SFRP1: variants seen among roughly 807,000 people sequenced by gnomAD.
The protein encoded by SFRP1 is secreted frizzled-related protein 1.
SFRP1 carries 9 observed loss-of-function variants against 25.9 expected under a neutral mutation model. The observed-to-expected ratio is 0.35, with a 90% CI of 0.21 to 0.61. SFRP1 has a LOEUF of 0.61. Among genes scored for constraint, SFRP1 ranks in the 20% least tolerant of loss-of-function variants. SFRP1 has a pLI of 0.78. For missense variants in SFRP1, 346 were observed against 418.2 expected, an observed-to-expected ratio of 0.83 and a Z score of 1.51; for synonymous variants, 178 against 174.0, an observed-to-expected ratio of 1.02 and a Z score of -0.18.
chr8:41,285,673 C>G (rs1044419261), intron 2 of SFRP1, among the ~76,000 whole-genome samples: 1 of 152,190 alleles, frequency 6.6e-6, no homozygotes, highest in Non-Finnish European at 1.5e-5. Context: ...TGGCCCAGCC[C>G]CCCAACCCTT....
rs887658928 is a variant in SFRP1, at chr8:41,264,000, T to C, written c.*1167A>G. 3.9e-5 allele frequency: 6 copies of C among 152,180 alleles called. No homozygotes were observed. Among genetic ancestry groups the C allele is most frequent in the African/African-American group, 9.7e-5 (4 of 41,436 alleles). 9.4% of individuals were successfully genotyped at this position (152,180 alleles called of 1,614,324 possible). On this transcript the variant is annotated 3_prime_UTR_variant, in exon 3 of 3. Transcript: ENST00000220772. ...TGAGTTTTGCTAGGGGGTGTTAGGT[T>C]CTAGGGCAACCACGGACTCTTCAGG... is the stretch of plus-strand genomic sequence containing the variant.
At chr8:41,290,584 GT>G (rs1247954457) in intron 2 of SFRP1, among the ~76,000 whole-genome samples, 1 of 152,200 alleles carries the variant, frequency 6.6e-6, no homozygotes, top group African/African-American at 2.4e-5. Flanking sequence ...GAACACAGGT[GT>G]CCCGGGGGCA....
intron 2 of SFRP1, among the ~76,000 whole-genome samples, chr8:41,290,886 C>CTCTTTT (rs1803769043): frequency 1.9e-5 from 1 of 53,874 alleles, no homozygotes; most frequent in African/African-American, 6.1e-5. Flanking sequence ...TCTTCCTCGT[C>CTCTTTT]TTTTTTTTTT....
intron 1 of SFRP1, among the ~76,000 whole-genome samples, chr8:41,305,892 G>A (rs575230510): frequency 6.6e-6 from 1 of 152,296 alleles, no homozygotes; most frequent in East Asian, 1.9e-4. Flanking sequence ...GACCAAAAGG[G>A]AGCCCTAAGG....
rs1804034546 is a variant in SFRP1, at chr8:41,308,993, G to A, written c.167C>T (p.Pro56Leu). ...GTCCGCGGGGATGTCCACGCACTGA[G>A]GTGGCTTGGTGTAGAAGCGCCCGCT... ...YQSGRFYTKP[P>L]QCVDIPADLR... The change falls in exon 1 of 3, where the codon CCT (proline) becomes CTT (leucine). Residue 56 changes from proline (P) to leucine (L), a missense_variant. Transcript: ENST00000220772. 4 of 1,613,008 alleles carry A rather than the reference G, an allele frequency of 2.5e-6. No individual in the cohort carries two copies. Among genetic ancestry groups the A allele is most frequent in the Non-Finnish European group, 3.4e-6 (4 of 1,179,942 alleles).
chr8:41,293,328 T>C (rs1017116891), intron 2 of SFRP1, among the ~76,000 whole-genome samples: 1 of 152,194 alleles, frequency 6.6e-6, no homozygotes, highest in Non-Finnish European at 1.5e-5. Flanking sequence ...CCCCCTCCCA[T>C]GCCTTGATGC....
intron 2 of SFRP1, among the ~76,000 whole-genome samples, chr8:41,289,911 C>T (rs916506520): frequency 6.6e-6 from 1 of 152,192 alleles, no homozygotes; most frequent in South Asian, 2.1e-4. Context: ...CTCTCAAGTG[C>T]TGGGGGAGGA....
At chr8:41,276,212 G>C (rs979605457) in intron 2 of SFRP1, among the ~76,000 whole-genome samples, 1 of 152,208 alleles carries the variant, frequency 6.6e-6, no homozygotes, top group Admixed American at 6.5e-5. Context: ...CATGAAGACA[G>C]AGCACTGGTT....
At chr8:41,285,709 G>A (rs907455389) in intron 2 of SFRP1, among the ~76,000 whole-genome samples, 2 of 152,282 alleles carry the variant, frequency 1.3e-5, no homozygotes, top group East Asian at 1.9e-4. Context: ...CTGAGCCCCC[G>A]TGAGTGCCAG....
intron 2 of SFRP1, among the ~76,000 whole-genome samples, chr8:41,298,971 C>CTCTCCACT (rs1803876814): frequency 6.6e-6 from 1 of 152,162 alleles, no homozygotes; most frequent in Admixed American, 6.5e-5. Context: ...GCAAATCCTT[C>CTCTCCACT]TCTCCACTCC....
chr8:41,268,592 C>CT, intron 2 of SFRP1, among the ~76,000 whole-genome samples: 1 of 152,266 alleles, frequency 6.6e-6, no homozygotes, highest in Admixed American at 6.5e-5. Flanking sequence ...TGGCCCCTTT[C>CT]TTTTTTTGAG....
At chr8:41,302,476 C>T (rs2117518464) in intron 2 of SFRP1, among the ~76,000 whole-genome samples, 1 of 152,326 alleles carries the variant, frequency 6.6e-6, no homozygotes, top group Admixed American at 6.5e-5. Context: ...CTCACATCAC[C>T]TATCTTTACG....
At chr8:41,291,132 T>C (rs1271466663) in intron 2 of SFRP1, among the ~76,000 whole-genome samples, 1 of 151,642 alleles carries the variant, frequency 6.6e-6, no homozygotes, top group Non-Finnish European at 1.5e-5. Context: ...ACGGTCTCGA[T>C]CTCCGGACCT....
At chr8:41,304,740 C>A (rs1213464425) in intron 1 of SFRP1, among the ~76,000 whole-genome samples, 4 of 152,108 alleles carry the variant, frequency 2.6e-5, no homozygotes, top group Non-Finnish European at 4.4e-5. Flanking sequence ...ACCTGCAGAG[C>A]ACCCCCAGAT....
At chr8:41,271,680 T>C (rs1226209090) in intron 2 of SFRP1, 2 of 151,840 alleles carry the variant, frequency 1.3e-5, no homozygotes, top group Non-Finnish European at 2.9e-5. Flanking sequence ...AAAATGATAA[T>C]ATGGCCAGGA....
intron 2 of SFRP1, among the ~76,000 whole-genome samples, chr8:41,281,650 C>A (rs1468985712): frequency 1.3e-5 from 2 of 152,230 alleles, no homozygotes; most frequent in African/African-American, 2.4e-5. Context: ...CTGTCATTGA[C>A]TGAGGGTTCA....
intron 2 of SFRP1, among the ~76,000 whole-genome samples, chr8:41,288,530 C>CAAAAAAAAA (rs397893046): frequency 5.1e-5 from 2 of 39,088 alleles, no homozygotes; most frequent in African/African-American, 1.7e-4. Context: ...AGACCCTGTC[C>CAAAAAAAAA]AAAAAAAAAA....
intron 2 of SFRP1, among the ~76,000 whole-genome samples, chr8:41,289,541 C>T (rs569355970): frequency 5.9e-5 from 9 of 152,292 alleles, no homozygotes; most frequent in African/African-American, 9.6e-5. Flanking sequence ...GCTGGGCTCA[C>T]GCCTGTACAG....
At chr8:41,280,823 C>A (rs182467980) in intron 2 of SFRP1, among the ~76,000 whole-genome samples, 1 of 152,332 alleles carries the variant, frequency 6.6e-6, no homozygotes, top group Non-Finnish European at 1.5e-5. Context: ...ATAGACAGAG[C>A]TTTGCAGGAA....
Sources: gnomAD v4.1 joint callset for allele counts (sites outside exome capture counted in the v4.1 genomes callset) on GRCh38, gnomAD v4.1.1 for gene constraint, MANE v1.5 for transcripts, NCBI Gene and HGNC (gene_info 2026-07-23, HGNC 2026-07-21) for gene names.